KLF12: variants seen among roughly 807,000 people sequenced by gnomAD.
The protein encoded by KLF12 is KLF transcription factor 12.
Under a neutral mutation model 37.8 loss-of-function variants are expected in KLF12, and 9 were observed. The observed-to-expected ratio is 0.24, with a 90% CI of 0.14 to 0.42. The LOEUF (loss-of-function observed/expected upper bound fraction) is 0.42. KLF12 is among the 10% of genes least tolerant of loss of function. The pLI, the probability that KLF12 is intolerant of heterozygous loss-of-function variation, is 1.00. For synonymous variants in KLF12, 208 were observed against 202.1 expected, an observed-to-expected ratio of 1.03 and a Z score of -0.25; for missense variants, 411 against 516.0, an observed-to-expected ratio of 0.80 and a Z score of 1.97.
chr13:73,817,415 G>C (rs1883294383), intron 4 of KLF12, among the ~76,000 whole-genome samples: 1 of 151,070 alleles, frequency 6.6e-6, no homozygotes, highest in African/African-American at 2.5e-5. Context: ...AGGGTTAGTT[G>C]TAGGGCAGCA....
chr13:74,157,417 T>C, the KLF12 span, among the ~76,000 whole-genome samples: 2 of 152,220 alleles, frequency 1.3e-5, no homozygotes, highest in Non-Finnish European at 2.9e-5. Context: ...AAGAGCTGAT[T>C]ACATAGGAAA....
At chr13:74,301,427 T>C in the KLF12 span, among the ~76,000 whole-genome samples, 2 of 152,182 alleles carry the variant, frequency 1.3e-5, no homozygotes, top group Admixed American at 1.3e-4. Flanking sequence ...ATTCTTCCCA[T>C]GTGCTGTCAT....
chr13:74,304,274 T>C, the KLF12 span, among the ~76,000 whole-genome samples: 10 of 152,170 alleles, frequency 6.6e-5, no homozygotes, highest in African/African-American at 2.4e-4. Context: ...TTTCTTTTTG[T>C]GGAAATTTTT....
chr13:73,926,799 C>T (rs1416082033), intron 3 of KLF12, among the ~76,000 whole-genome samples: 1 of 152,098 alleles, frequency 6.6e-6, no homozygotes, highest in Non-Finnish European at 1.5e-5. Context: ...TGTGTCTCTG[C>T]AGATCAGGGT....
chr13:73,710,766 GT>G (rs1286534753), intron 7 of KLF12, among the ~76,000 whole-genome samples: 4 of 130,128 alleles, frequency 3.1e-5, no homozygotes, highest in African/African-American at 1.3e-4. Flanking sequence ...AATTAGGCCA[GT>G]TAGTAACCCT....
At chr13:73,966,732 C>T (rs144356282) in intron 2 of KLF12, among the ~76,000 whole-genome samples, 2 of 152,296 alleles carry the variant, frequency 1.3e-5, no homozygotes, top group African/African-American at 4.8e-5. Flanking sequence ...AAGTCTTCTA[C>T]CCAGCAACGA....
chr13:74,066,796 G>T (rs575238723), intron 1 of KLF12, among the ~76,000 whole-genome samples: 2 of 152,258 alleles, frequency 1.3e-5, no homozygotes, highest in South Asian at 4.1e-4. Flanking sequence ...AAACTGGGCA[G>T]CACCATCACT....
the KLF12 span, among the ~76,000 whole-genome samples, chr13:74,256,687 C>T: frequency 2.6e-5 from 1 of 38,118 alleles, no homozygotes; most frequent in Non-Finnish European, 6.3e-5. Flanking sequence ...CTGAGTAGAG[C>T]TTGTGTGTGT....
chr13:73,728,854 C>A (rs903011225), intron 6 of KLF12, among the ~76,000 whole-genome samples: 1 of 152,170 alleles, frequency 6.6e-6, no homozygotes, highest in Non-Finnish European at 1.5e-5. Context: ...GGGATACTGG[C>A]ATGTAGTTTT....
At chr13:73,725,859 A>G (rs2137765296) in intron 6 of KLF12, among the ~76,000 whole-genome samples, 1 of 149,852 alleles carries the variant, frequency 6.7e-6, no homozygotes, top group Non-Finnish European at 1.5e-5. Context: ...TTATTTATTT[A>G]TTTATTTATT....
chr13:73,882,896 C>T (rs150110783), intron 3 of KLF12, among the ~76,000 whole-genome samples: 15 of 152,260 alleles, frequency 9.9e-5, no homozygotes, highest in African/African-American at 3.1e-4. Flanking sequence ...AGGGAACCAT[C>T]TCATGTTCAG....
At chr13:73,785,313 T>C (rs1238306829) in intron 5 of KLF12, among the ~76,000 whole-genome samples, 1 of 151,930 alleles carries the variant, frequency 6.6e-6, no homozygotes, top group Non-Finnish European at 1.5e-5. Context: ...AGGGTCTCCC[T>C]ATGTTATCCA....
intron 3 of KLF12, among the ~76,000 whole-genome samples, chr13:73,907,010 T>A (rs1262449641): frequency 6.6e-6 from 1 of 152,208 alleles, no homozygotes; most frequent in African/African-American, 2.4e-5. Context: ...TTAGGGCTCA[T>A]CTGTTCTATT....
At chr13:74,275,988 A>T in the KLF12 span, among the ~76,000 whole-genome samples, 4 of 146,044 alleles carry the variant, frequency 2.7e-5, no homozygotes, top group Non-Finnish European at 4.5e-5. Context: ...AAGTCCTGGG[A>T]TATATATATA....
rs1873593575 is a variant in KLF12 at position 73,687,944 on chromosome 13, GA to G, written c.*7545del. The G allele has an allele frequency of 6.6e-6, 1 of 152,168 alleles. No homozygotes were observed. The highest frequency in any genetic ancestry group is 2.1e-4 in the South Asian group (1 of 4,828). 9.4% of individuals were successfully genotyped at this position (152,168 alleles called of 1,614,324 possible). A position where few individuals can be genotyped will look rare whatever the true frequency, so the allele number is the denominator to read the frequency against. On this transcript the variant is annotated 3_prime_UTR_variant, in exon 8 of 8. Coordinates refer to ENST00000377669, the MANE Select transcript of KLF12 (RefSeq NM_007249.5). Reference sequence around the variant, plus strand: ...TTCAAGTTGTGGTTTTTGTTGTGGAGAAATTATTGCTTGTGAAACCCAATTA... The same window carrying G: ...TTCAAGTTGTGGTTTTTGTTGTGGAGAATTATTGCTTGTGAAACCCAATTA...
At chr13:73,880,917 A>G (rs1214080844) in intron 3 of KLF12, among the ~76,000 whole-genome samples, 1 of 152,248 alleles carries the variant, frequency 6.6e-6, no homozygotes, top group Non-Finnish European at 1.5e-5. Context: ...ATTAGCAAAC[A>G]GAAGTTATTA....
intron 2 of KLF12, among the ~76,000 whole-genome samples, chr13:73,976,597 CATCTTT>C (rs1891530651): frequency 6.6e-6 from 1 of 152,150 alleles, no homozygotes; most frequent in East Asian, 1.9e-4. Flanking sequence ...AAGCCCATGT[CATCTTT>C]GCAGAACTCT....
chr13:73,956,460 T>C (rs1200246759), intron 2 of KLF12, among the ~76,000 whole-genome samples: 1 of 152,152 alleles, frequency 6.6e-6, no homozygotes, highest in African/African-American at 2.4e-5. Context: ...GTAGGATGCT[T>C]AGCAGCATCC....
chr13:74,225,003 C>A, the KLF12 span, among the ~76,000 whole-genome samples: 1 of 152,104 alleles, frequency 6.6e-6, no homozygotes, highest in Admixed American at 6.6e-5. Context: ...AAAATTGGAA[C>A]TTTTAATCAG....
Sources: gnomAD v4.1 joint callset for allele counts (sites outside exome capture counted in the v4.1 genomes callset) on GRCh38, gnomAD v4.1.1 for gene constraint, MANE v1.5 for transcripts, NCBI Gene and HGNC (gene_info 2026-07-23, HGNC 2026-07-21) for gene names.